ROBO1: variants seen among roughly 807,000 people sequenced by gnomAD.
ROBO1 encodes roundabout guidance receptor 1.
A neutral mutation model predicts 195.9 loss-of-function variants in ROBO1; 149 were observed. The observed-to-expected ratio is 0.76, with a 90% CI of 0.67 to 0.87. The LOEUF (loss-of-function observed/expected upper bound fraction) is 0.87, where lower values mean the gene tolerates loss of function less well. ROBO1 is among the 40% of genes least tolerant of loss of function. The pLI, the probability that ROBO1 is intolerant of heterozygous loss-of-function variation, is 0.00. For missense variants in ROBO1, 1,933 were observed against 2,068.3 expected, an observed-to-expected ratio of 0.93 and a Z score of 1.27; for synonymous variants, 816 against 733.2, an observed-to-expected ratio of 1.11 and a Z score of -1.82.
intron 8 of ROBO1, chr3:78,693,251 G>A (rs2081215311): frequency 1.3e-6 from 2 of 1,503,694 alleles, no homozygotes; most frequent in Admixed American, 2.2e-5. Flanking sequence ...AGGCTGATTG[G>A]TTGAAGGACA....
chr3:79,261,343 T>C (rs2082934663), intron 2 of ROBO1, among the ~76,000 whole-genome samples: 1 of 152,086 alleles, frequency 6.6e-6, no homozygotes, highest in African/African-American at 2.4e-5. Context: ...AAAAGCTGAA[T>C]AGTATCAGGC....
chr3:79,302,746 A>C (rs980289956), intron 2 of ROBO1, among the ~76,000 whole-genome samples: 1 of 152,222 alleles, frequency 6.6e-6, no homozygotes. Context: ...AATGGAAATT[A>C]ACCTTTCAGA....
chr3:79,529,804 C>T (rs1029191796), intron 2 of ROBO1, among the ~76,000 whole-genome samples: 1 of 152,158 alleles, frequency 6.6e-6, no homozygotes, highest in Non-Finnish European at 1.5e-5. Context: ...AATTGAAAAA[C>T]AGCCTTCAAC....
chr3:79,418,599 A>T (rs138949668), intron 2 of ROBO1, among the ~76,000 whole-genome samples: 1 of 152,200 alleles, frequency 6.6e-6, no homozygotes, highest in African/African-American at 2.4e-5. Context: ...TGCAAATAAC[A>T]TTAACACTGT....
chr3:79,110,952 T>A (rs2079874886), intron 3 of ROBO1, among the ~76,000 whole-genome samples: 1 of 152,036 alleles, frequency 6.6e-6, no homozygotes. Flanking sequence ...AATTTGAAAA[T>A]GAGACATTGG....
At chr3:79,306,454 GCTCT>G (rs900472516) in intron 2 of ROBO1, among the ~76,000 whole-genome samples, 11 of 152,168 alleles carry the variant, frequency 7.2e-5, no homozygotes, top group African/African-American at 2.2e-4. Flanking sequence ...AAAATTGGGC[GCTCT>G]CTCTATCTTT....
At chr3:79,261,147 T>C (rs1032363594) in intron 2 of ROBO1, among the ~76,000 whole-genome samples, 2 of 152,118 alleles carry the variant, frequency 1.3e-5, no homozygotes, top group Non-Finnish European at 2.9e-5. Context: ...AAGGATTATC[T>C]GACTTTCAAG....
chr3:79,188,458 A>G (rs2081480552), intron 2 of ROBO1, among the ~76,000 whole-genome samples: 1 of 151,908 alleles, frequency 6.6e-6, no homozygotes, highest in South Asian at 2.1e-4. Context: ...GTCTTTGTAT[A>G]TATTAACCTA....
intron 2 of ROBO1, among the ~76,000 whole-genome samples, chr3:79,367,868 G>T (rs1225401501): frequency 6.6e-6 from 1 of 152,168 alleles, no homozygotes; most frequent in Non-Finnish European, 1.5e-5. Context: ...TGCTTGTTTT[G>T]TGCCTAGCAT....
At chr3:79,180,516 C>T (rs969077213) in intron 2 of ROBO1, among the ~76,000 whole-genome samples, 2 of 152,178 alleles carry the variant, frequency 1.3e-5, no homozygotes, top group African/African-American at 4.8e-5. Context: ...TGATAGAGCA[C>T]AGTGGCTAAG....
intron 2 of ROBO1, among the ~76,000 whole-genome samples, chr3:79,342,885 C>T (rs977369692): frequency 6.6e-6 from 1 of 152,126 alleles, no homozygotes; most frequent in African/African-American, 2.4e-5. Context: ...GCTTAGAATT[C>T]AGCTCTTGAT....
intron 4 of ROBO1, among the ~76,000 whole-genome samples, chr3:78,858,737 A>T (rs1441802457): frequency 6.6e-6 from 1 of 150,690 alleles, no homozygotes; most frequent in African/African-American, 2.4e-5. Flanking sequence ...TGAGACCCTG[A>T]CCCCCACTCC....
At chr3:79,327,342 A>T (rs2109154220) in intron 2 of ROBO1, among the ~76,000 whole-genome samples, 1 of 152,178 alleles carries the variant, frequency 6.6e-6, no homozygotes, top group Admixed American at 6.5e-5. Context: ...TTACTCAGTA[A>T]AATATGCACT....
At chr3:79,471,340 A>G (rs188183873) in intron 2 of ROBO1, among the ~76,000 whole-genome samples, 2 of 152,344 alleles carry the variant, frequency 1.3e-5, no homozygotes, top group African/African-American at 4.8e-5. Flanking sequence ...CACAGCAAAG[A>G]AAACAGTCAA....
At chr3:79,568,416 G>C (rs186165266) in intron 2 of ROBO1, among the ~76,000 whole-genome samples, 1 of 150,820 alleles carries the variant, frequency 6.6e-6, no homozygotes, top group East Asian at 1.9e-4. Flanking sequence ...GTTGACTGTG[G>C]ATGCTTGAAC....
At chr3:79,062,822 G>C (rs1446451104) in intron 3 of ROBO1, among the ~76,000 whole-genome samples, 1 of 152,004 alleles carries the variant, frequency 6.6e-6, no homozygotes, top group Non-Finnish European at 1.5e-5. Context: ...TCACACACTG[G>C]GGCCTGTCAG....
chr3:78,785,145 A>G (rs1211958406), intron 4 of ROBO1, among the ~76,000 whole-genome samples: 1 of 152,238 alleles, frequency 6.6e-6, no homozygotes, highest in Non-Finnish European at 1.5e-5. Context: ...CATCAACTGC[A>G]ACGATATAAA....
At chr3:79,399,260 C>T (rs1281171654) in intron 2 of ROBO1, among the ~76,000 whole-genome samples, 1 of 152,090 alleles carries the variant, frequency 6.6e-6, no homozygotes, top group African/African-American at 2.4e-5. Flanking sequence ...ACTAAATCTA[C>T]TCAAACTCCT....
At chr3:79,199,118 A>G (rs1184173275) in intron 2 of ROBO1, among the ~76,000 whole-genome samples, 1 of 151,366 alleles carries the variant, frequency 6.6e-6, no homozygotes, top group African/African-American at 2.4e-5. Context: ...GTTTTTATAT[A>G]CCTATCTTTT....
Sources: gnomAD v4.1 joint callset for allele counts (sites outside exome capture counted in the v4.1 genomes callset) on GRCh38, gnomAD v4.1.1 for gene constraint, MANE v1.5 for transcripts, NCBI Gene and HGNC (gene_info 2026-07-23, HGNC 2026-07-21) for gene names.